Variants in XDH observed in about 807,000 individuals in gnomAD.
The protein encoded by XDH is xanthine dehydrogenase.
A neutral mutation model predicts 156.1 loss-of-function variants in XDH; 138 were observed. The ratio of observed to expected loss-of-function variants is 0.88; its 90% CI spans 0.77 to 1.02. XDH has a LOEUF of 1.02. XDH is among the 50% of genes least tolerant of loss of function. The pLI, the probability that XDH is intolerant of heterozygous loss-of-function variation, is 0.00. For synonymous variants in XDH, 669 were observed against 625.7 expected (o/e 1.07, Z -1.03); for missense variants, 1,849 against 1,684.9 (o/e 1.10, Z -1.71).
At chr2:31,392,174 C>T (rs206852) in intron 6 of XDH, among the ~76,000 whole-genome samples, 151,671 of 152,104 alleles carry the variant, frequency 1, 75,622 homozygotes, top group Middle Eastern at 1. Flanking sequence ...ATATTAGTAA[C>T]TTGGATCTTC....
At chr2:31,338,317 C>T (rs1685023937) in intron 34 of XDH, among the ~76,000 whole-genome samples, 1 of 152,170 alleles carries the variant, frequency 6.6e-6, no homozygotes, top group Non-Finnish European at 1.5e-5. Context: ...TTCTCCCCCT[C>T]AAAGTATAGA....
chr2:31,406,068 T>A, intron 1 of XDH, 104 bp from the exon 2 acceptor site: 2 of 1,312,934 alleles, frequency 1.5e-6, no homozygotes, highest in Non-Finnish European at 2.2e-6. Context: ...GTAGAGTTAG[T>A]AGGAAGTGTG....
intron 27 of XDH, among the ~76,000 whole-genome samples, chr2:31,348,617 T>C (rs1228122999): frequency 6.6e-6 from 1 of 152,242 alleles, no homozygotes; most frequent in East Asian, 1.9e-4. Flanking sequence ...GTCCTCACTC[T>C]GTAAGTGAAG....
chr2:31,346,661 G>T, intron 30 of XDH, 108 bp downstream of exon 30: 1 of 1,340,606 alleles, frequency 7.5e-7, no homozygotes, highest in Non-Finnish European at 1.1e-6. Flanking sequence ...TCTCTCTGCT[G>T]TTCTGACTAA....
At position 31,382,390 on chromosome 2, in the gene XDH, T is replaced by TA. The variant is rs45446599; in HGVS notation, c.1038+610dup. Among the ~76,000 whole-genome samples the TA allele has an allele frequency of 5.4e-3, 818 of 152,142 alleles. 9 individuals carry two copies. The highest frequency in any genetic ancestry group is 0.019 in the African/African-American group (777 of 41,512). On this transcript the variant is annotated intron_variant, in intron 11 of 35. Transcript: ENST00000379416. ...AGGAGTAGGCTGTTTTGTTTTAATT[T>TA]AAAAAAACAATTTAAAAATGGAAGA...
chr2:31,390,089 T>A (rs1314726558), intron 6 of XDH, among the ~76,000 whole-genome samples: 1 of 152,188 alleles, frequency 6.6e-6, no homozygotes, highest in South Asian at 2.1e-4. Context: ...TTTTGACAAA[T>A]GCATGATTAC....
At chr2:31,381,596 A>G (rs750395394) in intron 12 of XDH, 37 bp downstream of exon 12, 4 of 1,605,898 alleles carry the variant, frequency 2.5e-6, no homozygotes, top group African/African-American at 2.7e-5. Context: ...TTCTCCCCCA[A>G]GTCCTTCTTC....
chr2:31,412,528 T>C (rs991586278), intron 1 of XDH, among the ~76,000 whole-genome samples: 1 of 152,244 alleles, frequency 6.6e-6, no homozygotes, highest in African/African-American at 2.4e-5. Flanking sequence ...ATATACCTAA[T>C]GTAAATGACG....
Position 31,366,073 on chromosome 2 carries a change from G to C in XDH, c.2359C>G (p.Arg787Gly). 6.2e-7 allele frequency: 1 copy of C among 1,614,118 alleles called. No homozygotes were observed. Among genetic ancestry groups the C allele is most frequent in the East Asian group, 2.2e-5 (1 of 44,868 alleles). ...ATTCTCTTCACTCGAACCACAATCCGGTTTGCTGGAACCCCCAACATTTTT... is the reference window on the plus strand; with the variant it reads ...ATTCTCTTCACTCGAACCACAATCCCGTTTGCTGGAACCCCCAACATTTTT... ...VAKMLGVPANRIVVRVKRMGG... is the reference protein window; with the variant it reads ...VAKMLGVPANGIVVRVKRMGG... Residue 787 changes from arginine (R) to glycine (G), a missense_variant, in exon 22 of 36, where the codon CGG becomes GGG. Physicochemically the swap from Arg to Gly is moderately radical, Grantham distance 125. Transcript: ENST00000379416.
chr2:31,377,334 A>T, intron 13 of XDH, 97 bp from the exon 14 acceptor site: 4 of 1,339,202 alleles, frequency 3.0e-6, no homozygotes, highest in Non-Finnish European at 4.3e-6. Context: ...AGGTGAGGGG[A>T]TAACACCATC....
Position 31,398,586 on chromosome 2 carries a change from C to G in XDH, c.420G>C (p.Glu140Asp), listed in dbSNP as rs1268924741. Residue 140 changes from glutamate to aspartate, a missense_variant, in exon 5 of 36, where the codon GAG (glutamate) becomes GAC (aspartate). Physicochemically the swap from Glu to Asp is conservative, Grantham distance 45. Coordinates refer to ENST00000379416, the MANE Select transcript of XDH (RefSeq NM_000379.4). ...NQPEPTMEEIENAFQGNLCRC... is the reference protein window; with the variant it reads ...NQPEPTMEEIDNAFQGNLCRC... ...GAAGGCCCATACCTTGGAAGGCATT[C>G]TCAATCTCCTCCATGGTGGGCTCGG... is the stretch of plus-strand genomic sequence containing the variant. The G allele has an allele frequency of 6.2e-7, 1 of 1,614,054 alleles. No individual in the cohort carries two copies. The highest frequency in any genetic ancestry group is 8.5e-7 in the Non-Finnish European group (1 of 1,180,002).
At position 31,373,951 on chromosome 2, in the gene XDH, A is replaced by G; in HGVS notation, c.1608T>C (p.Cys536=). ...KLGQENLEDK[C]GKLDPTFASA... is the part of the protein sequence containing the mutation. ...TGGCGAAAGTGGGGTCCAGTTTACC[A>G]CACTTCTGTGGAGACAAGAAAACAG... The change falls in exon 16 of 36, where the codon TGT becomes TGC. Residue 536 remains cysteine, a synonymous_variant. Coordinates refer to ENST00000379416, the MANE Select transcript of XDH (RefSeq NM_000379.4). 6.2e-7 allele frequency: 1 copy of G among 1,613,490 alleles called. No individual in the cohort carries two copies. The highest frequency in any genetic ancestry group is 8.5e-7 in the Non-Finnish European group (1 of 1,179,664).
At chr2:31,406,989 G>C (rs1445300951) in intron 1 of XDH, among the ~76,000 whole-genome samples, 2 of 152,134 alleles carry the variant, frequency 1.3e-5, no homozygotes, top group African/African-American at 4.8e-5. Flanking sequence ...AATTGTCAAA[G>C]GAAATCTACA....
Position 31,383,809 on chromosome 2 carries a change from T to A in XDH, c.832A>T (p.Ile278Phe). ...MKFKNMLFPM[I>F]VCPAWIPELN... ...TCAGGGATCCAGGCTGGGCAGACAA[T>A]CATAGGAAACAGCATATTCTTGAAC... Residue 278 changes from isoleucine to phenylalanine, a missense_variant, in exon 10 of 36, where the codon ATT becomes TTT. Coordinates refer to ENST00000379416, the MANE Select transcript of XDH (RefSeq NM_000379.4). 1 of 1,614,046 alleles carries A rather than the reference T, an allele frequency of 6.2e-7. No individual in the cohort carries two copies.
At chr2:31,359,061 C>T (rs1685705632) in intron 24 of XDH, among the ~76,000 whole-genome samples, 1 of 152,050 alleles carries the variant, frequency 6.6e-6, no homozygotes, top group South Asian at 2.1e-4. Context: ...TCTGCAAGGT[C>T]ACAGGATATA....
chr2:31,399,994 C>T (rs1051786308), intron 4 of XDH, among the ~76,000 whole-genome samples: 3 of 152,114 alleles, frequency 2.0e-5, no homozygotes, highest in African/African-American at 7.2e-5. Flanking sequence ...TTAATTAACC[C>T]TCTCACGTCT....
At chr2:31,350,285 TAGGA>T in intron 24 of XDH, 62 bp from the exon 25 acceptor site, 2 of 1,587,994 alleles carry the variant, frequency 1.3e-6, no homozygotes, top group Non-Finnish European at 8.6e-7. Flanking sequence ...TTCCTCAAAG[TAGGA>T]ACTTTGAGGG....
chr2:31,406,879 A>G (rs1300605170), intron 1 of XDH, among the ~76,000 whole-genome samples: 1 of 152,222 alleles, frequency 6.6e-6, no homozygotes, highest in Non-Finnish European at 1.5e-5. Context: ...ACACTAATAC[A>G]TGTCAGAAAT....
intron 19 of XDH, 52 bp from the exon 20 acceptor site, chr2:31,368,109 GAT>G: frequency 6.6e-7 from 1 of 1,504,044 alleles, no homozygotes; most frequent in Non-Finnish European, 9.3e-7. Flanking sequence ...GGGAGGGAAA[GAT>G]AGGTTCTGAT....
Sources: gnomAD v4.1 joint callset for allele counts (sites outside exome capture counted in the v4.1 genomes callset) on GRCh38, gnomAD v4.1.1 for gene constraint, MANE v1.5 for transcripts, NCBI Gene and HGNC (gene_info 2026-07-23, HGNC 2026-07-21) for gene names.